Variants in DENND1B observed in about 807,000 individuals in gnomAD.
The protein encoded by DENND1B is DENN domain-containing protein 1B.
Under a neutral mutation model 90.1 loss-of-function variants are expected in DENND1B, and 59 were observed. The observed-to-expected ratio is 0.65, with a 90% CI of 0.53 to 0.81. The LOEUF is 0.81. DENND1B is among the 40% of genes least tolerant of loss of function. The pLI, the probability that DENND1B is intolerant of heterozygous loss-of-function variation, is 0.00. For missense variants in DENND1B, 862 were observed against 912.6 expected (o/e 0.94, Z 0.71); for synonymous variants, 337 against 324.6 (o/e 1.04, Z -0.41).
rs1412662726 is a variant in DENND1B, at chr1:197,508,350, T to A, written c.*2110A>T. On this transcript the variant is annotated 3_prime_UTR_variant, in exon 23 of 23. Coordinates refer to ENST00000620048, the MANE Select transcript of DENND1B (RefSeq NM_001195215.2). The stretch of plus-strand genomic sequence containing the variant: ...TTTGCTATATGGACTTCTTCCATTA[T>A]AAACTTCAGTAAAGTAAGTTGTAAT... 6.6e-6 allele frequency: 1 copy of A among 151,798 alleles called. No individual in the cohort carries two copies. The highest frequency in any genetic ancestry group is 1.5e-5 in the Non-Finnish European group (1 of 67,828). 9.4% of individuals were successfully genotyped at this position (151,798 alleles called of 1,614,324 possible).
At chr1:197,653,432 T>C (rs777322405) in intron 6 of DENND1B, among the ~76,000 whole-genome samples, 5 of 152,118 alleles carry the variant, frequency 3.3e-5, no homozygotes, top group Admixed American at 6.5e-5. Flanking sequence ...AAAGTTCTTA[T>C]AGGTATAAAA....
intron 15 of DENND1B, among the ~76,000 whole-genome samples, chr1:197,553,965 C>T (rs1459859550): frequency 6.6e-6 from 1 of 152,032 alleles, no homozygotes; most frequent in Non-Finnish European, 1.5e-5. Context: ...AGACTATCTT[C>T]CATTGCCTGT....
At chr1:197,701,387 C>A (rs975551872) in intron 3 of DENND1B, among the ~76,000 whole-genome samples, 1 of 152,116 alleles carries the variant, frequency 6.6e-6, no homozygotes, top group Non-Finnish European at 1.5e-5. Flanking sequence ...AATGAGAATA[C>A]ATGGATACAG....
intron 3 of DENND1B, among the ~76,000 whole-genome samples, chr1:197,696,095 A>G (rs1658408708): frequency 6.6e-6 from 1 of 151,398 alleles, no homozygotes; most frequent in Non-Finnish European, 1.5e-5. Flanking sequence ...CCCATTAGTC[A>G]TTATTAAATA....
intron 20 of DENND1B, among the ~76,000 whole-genome samples, chr1:197,536,139 T>TGAGA (rs34670774): frequency 0.16 from 19,864 of 121,596 alleles, 1,672 homozygotes; most frequent in Middle Eastern, 0.35. Flanking sequence ...AGAGAGAGAT[T>TGAGA]GAGAGAGAGA....
rs190375011 is a variant in DENND1B at position 197,642,648 on chromosome 1, G to C, written c.672+63C>G. On this transcript the variant is annotated intron_variant, in intron 10 of 22. Transcript: ENST00000620048. ...ATAGCACATTTCTAAATCTGCAAAG[G>C]TTTTTAGGTCTTTTTGTGAAACACT... 1.4e-3 allele frequency: 1,689 copies of C among 1,198,732 alleles called. 16 individuals are homozygous for C. Among genetic ancestry groups the C allele is most frequent in the East Asian group, 9.0e-4 (36 of 40,092 alleles). The allele number at this position is 1,198,732 out of a possible 1,614,324, so 74.3% of individuals were successfully genotyped here.
intron 2 of DENND1B, chr1:197,734,538 T>A: frequency 3.1e-6 from 3 of 971,342 alleles, no homozygotes; most frequent in Non-Finnish European, 3.7e-6. Context: ...CAAAAATAGA[T>A]GTTTTGTGTT....
chr1:197,644,516 G>C (rs1680558896), intron 9 of DENND1B, among the ~76,000 whole-genome samples: 1 of 152,110 alleles, frequency 6.6e-6, no homozygotes, highest in Non-Finnish European at 1.5e-5. Context: ...GAAGTGAAGG[G>C]ACAAGGGTCA....
chr1:197,540,905 C>T, intron 19 of DENND1B, 54 bp downstream of exon 19: 1 of 1,519,696 alleles, frequency 6.6e-7, no homozygotes, highest in Non-Finnish European at 9.1e-7. Context: ...GAAGTATAAA[C>T]TTCAAACTAA....
intron 2 of DENND1B, among the ~76,000 whole-genome samples, chr1:197,766,275 C>T (rs1655686741): frequency 6.6e-6 from 1 of 152,100 alleles, no homozygotes. Context: ...ATACAGTTTG[C>T]ATTACTCTAA....
intron 18 of DENND1B, among the ~76,000 whole-genome samples, chr1:197,542,372 A>T (rs1670398007): frequency 6.6e-6 from 1 of 152,196 alleles, no homozygotes; most frequent in Non-Finnish European, 1.5e-5. Context: ...AACAGGATGG[A>T]ATCATTATTT....
chr1:197,697,859 G>A (rs542455587), intron 3 of DENND1B, among the ~76,000 whole-genome samples: 2 of 152,128 alleles, frequency 1.3e-5, no homozygotes, highest in Admixed American at 1.3e-4. Flanking sequence ...AATTCAACAA[G>A]AAGAGTTAAC....
chr1:197,678,200 T>A (rs1399318108), intron 3 of DENND1B, among the ~76,000 whole-genome samples: 1 of 152,214 alleles, frequency 6.6e-6, no homozygotes, highest in Non-Finnish European at 1.5e-5. Context: ...CCATGACACA[T>A]GTAATTACAG....
At position 197,529,785 on chromosome 1, in the gene DENND1B, C is replaced by G. The variant is rs200526239; in HGVS notation, c.1515+10179G>C. 1.2e-4 allele frequency among the ~76,000 whole-genome samples: 19 copies of G among 152,178 alleles called. No individual in the cohort carries two copies. In the East Asian group the frequency reaches 3.3e-3, roughly 26 times the overall value. ...GATTTATGTTATCTTATATTTTTCACTAAGTCTCCAGTATTCTATTCTAAA... is the reference window on the plus strand; with the variant it reads ...GATTTATGTTATCTTATATTTTTCAGTAAGTCTCCAGTATTCTATTCTAAA... On this transcript the variant is annotated intron_variant, in intron 20 of 22. Transcript: ENST00000620048.
At chr1:197,622,373 A>G (rs1041050391) in intron 10 of DENND1B, among the ~76,000 whole-genome samples, 4 of 151,390 alleles carry the variant, frequency 2.6e-5, no homozygotes, top group African/African-American at 4.8e-5. Context: ...ATCAACAGCA[A>G]AGCCAGGATA....
intron 3 of DENND1B, among the ~76,000 whole-genome samples, chr1:197,694,648 A>G (rs1160475730): frequency 6.6e-6 from 1 of 151,454 alleles, no homozygotes; most frequent in Non-Finnish European, 1.5e-5. Flanking sequence ...ACAAATGTTT[A>G]CAGCTTAATA....
chr1:197,593,197 C>T (rs1487010866), intron 14 of DENND1B, among the ~76,000 whole-genome samples: 1 of 151,200 alleles, frequency 6.6e-6, no homozygotes, highest in Non-Finnish European at 1.5e-5. Flanking sequence ...ATAGTTTATG[C>T]ACAAAAAGAA....
chr1:197,714,955 G>C, intron 3 of DENND1B, 76 bp downstream of exon 3: 1 of 1,073,510 alleles, frequency 9.3e-7, no homozygotes, highest in Non-Finnish European at 1.4e-6. Flanking sequence ...AGTTATACTA[G>C]CAACAGCAGC....
chr1:197,593,816 G>A (rs1301311046), intron 14 of DENND1B, among the ~76,000 whole-genome samples: 1 of 152,070 alleles, frequency 6.6e-6, no homozygotes, highest in East Asian at 1.9e-4. Flanking sequence ...TTCAAGTAAA[G>A]TGATATTTTT....
Sources: gnomAD v4.1 joint callset for allele counts (sites outside exome capture counted in the v4.1 genomes callset) on GRCh38, gnomAD v4.1.1 for gene constraint, MANE v1.5 for transcripts, NCBI Gene and HGNC (gene_info 2026-07-23, HGNC 2026-07-21) for gene names.